Variants in NEXMIF observed in about 807,000 individuals in gnomAD.
The protein encoded by NEXMIF is XLMR protein related to neurite extension.
Under a neutral mutation model 62.1 loss-of-function variants are expected in NEXMIF, and 8 were observed. That is an observed-to-expected ratio of 0.13 (90% CI 0.08 to 0.23). The LOEUF (loss-of-function observed/expected upper bound fraction) is 0.23. Ranked by LOEUF, NEXMIF falls within the 10% of genes least tolerant of loss-of-function variation. The pLI is 1.00. For synonymous variants in NEXMIF, 404 were observed against 416.6 expected (o/e 0.97, Z 0.37); for missense variants, 976 against 1,113.3 (o/e 0.88, Z 1.75).
intron 1 of NEXMIF, among the ~76,000 whole-genome samples, chrX:74,781,101 AG>A (rs2080245246): frequency 8.9e-6 from 1 of 112,336 alleles, no homozygotes; most frequent in South Asian, 3.7e-4. Context: ...TGCCTCCCAC[AG>A]TTCTGTTGCT....
In NEXMIF at chrX:74,740,837, G is replaced by T. The variant is rs1266287678; in HGVS notation, c.3720C>A (p.Gly1240=). 1 of 1,212,085 alleles carries T rather than the reference G, an allele frequency of 8.3e-7. No homozygotes were observed. Among genetic ancestry groups the T allele is most frequent in the Non-Finnish European group, 1.1e-6 (1 of 895,539 alleles). ...AAINGEKMQI[G]IGRGGSQTNT... ...TGGTTTGGCTTCCCCCACGGCCAATGCCAATTTGCATTTTCTCTCCATTGA... is the reference window on the plus strand; with the variant it reads ...TGGTTTGGCTTCCCCCACGGCCAATTCCAATTTGCATTTTCTCTCCATTGA... Residue 1240 remains glycine, a synonymous_variant, in exon 3 of 4, where the codon GGC becomes GGA. Coordinates refer to ENST00000055682, the MANE Select transcript of NEXMIF (RefSeq NM_001008537.3).
At chrX:74,885,469 C>T (rs1196543694) in intron 1 of NEXMIF, among the ~76,000 whole-genome samples, 4 of 111,453 alleles carry the variant, frequency 3.6e-5, no homozygotes, top group African/African-American at 1.3e-4. Flanking sequence ...GGGGATATCA[C>T]CACTGATCCC....
chrX:74,867,829 T>A (rs2080585701), intron 1 of NEXMIF, among the ~76,000 whole-genome samples: 1 of 111,957 alleles, frequency 8.9e-6, no homozygotes, highest in South Asian at 3.7e-4. Flanking sequence ...AAATAAACTA[T>A]CATCAGAGTG....
chrX:74,919,842 T>C (rs1282331947), intron 1 of NEXMIF, among the ~76,000 whole-genome samples: 22 of 110,698 alleles, frequency 2.0e-4, no homozygotes, highest in Non-Finnish European at 3.2e-4. Context: ...GTTCTCATTG[T>C]TCAATTCCCA....
Position 74,860,391 on chromosome X carries a change from C to G in NEXMIF, c.-48+64492G>C, listed in dbSNP as rs184853889. On this transcript the variant is annotated intron_variant, in intron 1 of 3. Coordinates refer to ENST00000055682, the MANE Select transcript of NEXMIF (RefSeq NM_001008537.3). ...AAAGAAACATCTGATTTATTCTGCA[C>G]AATAGACCAAATGGCTCTAACAGAT... Among the ~76,000 whole-genome samples the G allele has an allele frequency of 4.5e-5, 5 of 111,966 alleles. No individual in the cohort carries two copies. In the East Asian group the frequency reaches 1.4e-3, roughly 31 times the overall value.
chrX:74,920,368 G>T (rs1471429996), intron 1 of NEXMIF, among the ~76,000 whole-genome samples: 2 of 112,268 alleles, frequency 1.8e-5, no homozygotes, highest in African/African-American at 6.5e-5. Context: ...GCATTTCTCT[G>T]ATGGCCAGTG....
intron 1 of NEXMIF, among the ~76,000 whole-genome samples, chrX:74,840,353 C>A (rs1244669400): frequency 1.8e-5 from 2 of 111,105 alleles, no homozygotes; most frequent in African/African-American, 6.6e-5. Context: ...TTCTCCCATT[C>A]TGTAGGTTGC....
rs186456058 is a variant in NEXMIF, at chrX:74,849,839, C to T, written c.-48+75044G>A. On this transcript the variant is annotated intron_variant, in intron 1 of 3. Transcript: ENST00000055682. ...GGTAGTGACTCTGAGGACAGGCTAC[C>T]CTGCCTACAGCTACCACCTGAGACC... Among the ~76,000 whole-genome samples, 362 of 112,292 alleles carry T rather than the reference C, an allele frequency of 3.2e-3. 2 individuals carry two copies. The highest frequency in any genetic ancestry group is 9.3e-3 in the Middle Eastern group (2 of 215).
intron 1 of NEXMIF, among the ~76,000 whole-genome samples, chrX:74,754,378 G>A (rs1430079453): frequency 2.0e-5 from 2 of 100,323 alleles, no homozygotes; most frequent in East Asian, 3.1e-4. Flanking sequence ...GTGCGATCTC[G>A]GCTCACTGCA....
At chrX:74,789,686 A>G (rs2147463151) in intron 1 of NEXMIF, among the ~76,000 whole-genome samples, 1 of 110,480 alleles carries the variant, frequency 9.1e-6, no homozygotes, top group African/African-American at 3.3e-5. Flanking sequence ...GTGAGATGGT[A>G]TCTCATTGTG....
Position 74,738,329 on chromosome X carries a change from G to C in NEXMIF, c.*1076C>G, listed in dbSNP as rs1405261970. On this transcript the variant is annotated 3_prime_UTR_variant, in exon 4 of 4. Coordinates refer to ENST00000055682, the MANE Select transcript of NEXMIF (RefSeq NM_001008537.3). ...AAGAAGAAAAATTTGGTTGAACTGG[G>C]ATGCCTTAACATTTTCTTTAAATGA... 2 of 111,289 alleles carry C rather than the reference G, an allele frequency of 1.8e-5. No individual in the cohort carries two copies. Among genetic ancestry groups the C allele is most frequent in the Non-Finnish European group, 3.8e-5 (2 of 53,002 alleles). The allele number at this position is 111,289 out of a possible 1,213,427, so 9.2% of individuals were successfully genotyped here.
At chrX:74,895,326 G>T (rs931358585) in intron 1 of NEXMIF, among the ~76,000 whole-genome samples, 1 of 111,621 alleles carries the variant, frequency 9.0e-6, no homozygotes, top group Non-Finnish European at 1.9e-5. Flanking sequence ...CCAAAAAATG[G>T]AAAGATATTC....
At chrX:74,912,185 G>C (rs766432581) in intron 1 of NEXMIF, among the ~76,000 whole-genome samples, 1 of 111,770 alleles carries the variant, frequency 8.9e-6, no homozygotes, top group South Asian at 3.8e-4. Context: ...GTGAAGGACA[G>C]AGTTCTTACA....
At chrX:74,881,822 C>T (rs1359493504) in intron 1 of NEXMIF, among the ~76,000 whole-genome samples, 1 of 111,956 alleles carries the variant, frequency 8.9e-6, no homozygotes, top group African/African-American at 3.2e-5. Flanking sequence ...CTTAGCAGTG[C>T]TTCTAGTACA....
intron 1 of NEXMIF, among the ~76,000 whole-genome samples, chrX:74,897,424 T>C (rs2080736117): frequency 8.9e-6 from 1 of 112,206 alleles, no homozygotes; most frequent in Non-Finnish European, 1.9e-5. Flanking sequence ...TTAATTCTAA[T>C]ATGGGGATAA....
At chrX:74,800,832 C>T (rs2080327492) in intron 1 of NEXMIF, among the ~76,000 whole-genome samples, 1 of 110,837 alleles carries the variant, frequency 9.0e-6, no homozygotes, top group African/African-American at 3.3e-5. Context: ...TAACTAAAGT[C>T]TATAGTTTAT....
chrX:74,881,369 AACAC>A (rs1293120174), intron 1 of NEXMIF, among the ~76,000 whole-genome samples: 1 of 75,995 alleles, frequency 1.3e-5, no homozygotes, highest in Non-Finnish European at 2.3e-5. Context: ...GATAAATTCC[AACAC>A]ACACACACAC....
At chrX:74,816,629 T>C (rs2080376935) in intron 1 of NEXMIF, among the ~76,000 whole-genome samples, 1 of 112,114 alleles carries the variant, frequency 8.9e-6, no homozygotes, top group East Asian at 2.8e-4. Context: ...AATATTTTAA[T>C]GCTTTTCAAT....
At chrX:74,866,993 A>G (rs2080582169) in intron 1 of NEXMIF, among the ~76,000 whole-genome samples, 1 of 112,437 alleles carries the variant, frequency 8.9e-6, no homozygotes, top group Non-Finnish European at 1.9e-5. Flanking sequence ...CAAACAATAG[A>G]CAAGGGGAGA....
Sources: allele counts gnomAD v4.1 joint callset (sites outside exome capture counted in the v4.1 genomes callset), GRCh38; gene constraint gnomAD v4.1.1; transcripts MANE v1.5; gene names NCBI Gene and HGNC (gene_info 2026-07-23, HGNC 2026-07-21).